The following UCK2 variants were observed in gnomAD, a reference collection of about 807,000 sequenced individuals.
UCK2 encodes the protein uridine-cytidine kinase 2, also known as cytidine monophosphokinase 2.
In UCK2, 6 loss-of-function variants were observed where a neutral mutation model predicts 30.8. The ratio of observed to expected loss-of-function variants is 0.19; its 90% CI spans 0.11 to 0.38. The LOEUF is 0.38. Ranked by LOEUF, UCK2 falls within the 10% of genes least tolerant of loss-of-function variation. The pLI, the probability that UCK2 is intolerant of heterozygous loss-of-function variation, is 1.00. For synonymous variants in UCK2, 125 were observed against 133.6 expected (o/e 0.94, Z 0.45); for missense variants, 210 against 339.8 (o/e 0.62, Z 3.00).
intron 6 of UCK2, among the ~76,000 whole-genome samples, chr1:165,907,176 T>C (rs1451508812): frequency 6.6e-6 from 1 of 152,242 alleles, no homozygotes; most frequent in Non-Finnish European, 1.5e-5. Context: ...TTGGTGATGT[T>C]AAATTGACCT....
chr1:165,868,189 T>C (rs1655095373), intron 1 of UCK2, among the ~76,000 whole-genome samples: 13 of 152,240 alleles, frequency 8.5e-5, no homozygotes, highest in Admixed American at 8.5e-4. Context: ...TAAATCATGC[T>C]GTAATGAGAT....
intron 1 of UCK2, among the ~76,000 whole-genome samples, chr1:165,836,211 A>G (rs1189120750): frequency 1.3e-5 from 2 of 152,072 alleles, no homozygotes; most frequent in African/African-American, 4.8e-5. Context: ...CTGGGCGACA[A>G]GAGCAAGACT....
intron 4 of UCK2, 49 bp from the exon 5 acceptor site, chr1:165,903,133 T>C (rs1192188865): frequency 6.7e-7 from 1 of 1,481,486 alleles, no homozygotes. Flanking sequence ...GGCGGGTGTG[T>C]GCTGGCTCCT....
chr1:165,844,561 A>T (rs1333841987), intron 1 of UCK2, among the ~76,000 whole-genome samples: 1 of 152,156 alleles, frequency 6.6e-6, no homozygotes, highest in Non-Finnish European at 1.5e-5. Flanking sequence ...TTTTGTTCTA[A>T]CAAGATAACT....
At chr1:165,864,873 G>A (rs576366856) in intron 1 of UCK2, among the ~76,000 whole-genome samples, 3 of 152,058 alleles carry the variant, frequency 2.0e-5, no homozygotes, top group Admixed American at 2.0e-4. Flanking sequence ...TTTTTGTAGA[G>A]ATGAGGTTCT....
At chr1:165,833,435 C>T (rs1278971161) in intron 1 of UCK2, among the ~76,000 whole-genome samples, 2 of 152,048 alleles carry the variant, frequency 1.3e-5, no homozygotes, top group African/African-American at 2.4e-5. Context: ...ATGCCTAGCA[C>T]GATGTCTGGT....
At chr1:165,892,647 G>C (rs1030740714) in intron 3 of UCK2, 8 of 152,248 alleles carry the variant, frequency 5.3e-5, no homozygotes, top group African/African-American at 1.9e-4. Context: ...TGGTGGTGGT[G>C]TCACGTTGAC....
At chr1:165,886,189 A>G (rs1655609103) in intron 1 of UCK2, among the ~76,000 whole-genome samples, 1 of 152,152 alleles carries the variant, frequency 6.6e-6, no homozygotes, top group Non-Finnish European at 1.5e-5. Flanking sequence ...GTCTTAGCCC[A>G]CTGTAACAGT....
rs79158997 is a variant in UCK2 at position 165,873,759 on chromosome 1, G to A, written c.100-16445G>A. On this transcript the variant is annotated intron_variant, in intron 1 of 6. Coordinates refer to ENST00000367879, the MANE Select transcript of UCK2 (RefSeq NM_012474.5). ...CTTTTCCCACATGCTGCTTATCTTT[G>A]GGCCTTAGTGCCGAGACGTGGGGGG... Among the ~76,000 whole-genome samples, 1,100 of 152,118 alleles carry A rather than the reference G, an allele frequency of 7.2e-3. 17 individuals carry two copies. Among genetic ancestry groups the A allele is most frequent in the African/African-American group, 0.025 (1,053 of 41,484 alleles).
At chr1:165,895,402 A>AG in intron 3 of UCK2, 2 of 894,434 alleles carry the variant, frequency 2.2e-6, no homozygotes, top group African/African-American at 3.6e-5. Flanking sequence ...TGGGTGACAA[A>AG]GTGAGACCCT....
In UCK2 at chr1:165,907,820, T is replaced by C. The variant is rs1440390057; in HGVS notation, c.783T>C (p.His261=). 8.1e-6 allele frequency: 13 copies of C among 1,613,940 alleles called. No individual in the cohort carries two copies. The highest frequency in any genetic ancestry group is 2.2e-5 in the East Asian group (1 of 44,886). ...CATCGGAGTCCAGCAGCAGGCCGCATTGACCCGTCTCCATCGGACCCCAGC... is the reference window on the plus strand; with the variant it reads ...CATCGGAGTCCAGCAGCAGGCCGCACTGACCCGTCTCCATCGGACCCCAGC... The part of the protein sequence containing the change: ...RQASESSSRP[H] The change falls in exon 7 of 7, where the codon CAT becomes CAC. Residue 261 remains histidine (H), a synonymous_variant. Transcript: ENST00000367879.
chr1:165,899,810 T>C (rs150976374), intron 4 of UCK2, among the ~76,000 whole-genome samples: 292 of 152,284 alleles, frequency 1.9e-3, no homozygotes, highest in Admixed American at 4.4e-3. Context: ...GAAGGGCCTT[T>C]CAGTGCAGGG....
intron 1 of UCK2, among the ~76,000 whole-genome samples, chr1:165,883,558 G>A (rs1655551279): frequency 6.6e-6 from 1 of 152,134 alleles, no homozygotes; most frequent in South Asian, 2.1e-4. Flanking sequence ...TTGACCCATG[G>A]CTGCTTTTTG....
chr1:165,861,389 G>A (rs1654892344), intron 1 of UCK2, among the ~76,000 whole-genome samples: 1 of 152,014 alleles, frequency 6.6e-6, no homozygotes, highest in African/African-American at 2.4e-5. Context: ...AGCACTTTGG[G>A]AGGCCGAGGC....
intron 1 of UCK2, among the ~76,000 whole-genome samples, chr1:165,852,947 T>G (rs1654635005): frequency 6.6e-6 from 1 of 152,116 alleles, no homozygotes; most frequent in Non-Finnish European, 1.5e-5. Context: ...CCCTTAAAGG[T>G]TATTGTTCCC....
intron 1 of UCK2, among the ~76,000 whole-genome samples, chr1:165,838,268 C>T (rs907337057): frequency 2.6e-5 from 4 of 152,160 alleles, no homozygotes; most frequent in African/African-American, 7.2e-5. Flanking sequence ...AGAGTGATCC[C>T]GTGAAAATGA....
chr1:165,852,286 C>T (rs936009206), intron 1 of UCK2, among the ~76,000 whole-genome samples: 1 of 152,138 alleles, frequency 6.6e-6, no homozygotes, highest in South Asian at 2.1e-4. Flanking sequence ...AACAGGCAAC[C>T]TATAGAATGG....
intron 4 of UCK2, 39 bp downstream of exon 4, chr1:165,896,371 A>G (rs201637386): frequency 1.4e-4 from 219 of 1,611,182 alleles, no homozygotes; most frequent in Non-Finnish European, 1.8e-4. Flanking sequence ...GTTGGTGGCC[A>G]CCTTGAGGGC....
intron 1 of UCK2, among the ~76,000 whole-genome samples, chr1:165,841,097 A>ATGTG (rs765579536): frequency 9.8e-5 from 13 of 132,308 alleles, no homozygotes; most frequent in African/African-American, 3.3e-4. Context: ...GTGCACACGT[A>ATGTG]TGTGTGTGTG....
Sources: gnomAD v4.1 joint callset for allele counts (sites outside exome capture counted in the v4.1 genomes callset) on GRCh38, gnomAD v4.1.1 for gene constraint, MANE v1.5 for transcripts, NCBI Gene and HGNC (gene_info 2026-07-23, HGNC 2026-07-21) for gene names.